The following GPC6 variants were observed in gnomAD, a reference collection of about 807,000 sequenced individuals.
GPC6 encodes glypican-6.
Under a neutral mutation model 55.2 loss-of-function variants are expected in GPC6, and 14 were observed. The ratio of observed to expected loss-of-function variants is 0.25; its 90% CI spans 0.17 to 0.40. The LOEUF (loss-of-function observed/expected upper bound fraction) is 0.40. Ranked by LOEUF, GPC6 falls within the 10% of genes least tolerant of loss-of-function variation. GPC6 has a pLI of 1.00. For missense variants in GPC6, 641 were observed against 708.5 expected (o/e 0.90, Z 1.08); for synonymous variants, 278 against 259.6 (o/e 1.07, Z -0.68).
At chr13:93,273,459 C>T (rs1877615298) in intron 1 of GPC6, among the ~76,000 whole-genome samples, 1 of 152,088 alleles carries the variant, frequency 6.6e-6, no homozygotes, top group African/African-American at 2.4e-5. Context: ...GAGATCGAGA[C>T]CATTCTGGCT....
intron 3 of GPC6, among the ~76,000 whole-genome samples, chr13:93,922,608 C>T (rs1877632794): frequency 6.6e-6 from 1 of 152,050 alleles, no homozygotes; most frequent in African/African-American, 2.4e-5. Flanking sequence ...CCCAGCTATG[C>T]CAAATAAAAA....
chr13:94,361,132 C>A (rs536052407), intron 6 of GPC6, among the ~76,000 whole-genome samples: 28 of 152,268 alleles, frequency 1.8e-4, no homozygotes, highest in African/African-American at 6.5e-4. Context: ...AAATTGGAGG[C>A]AATTATGGAT....
At chr13:93,663,654 T>G (rs941575326) in intron 2 of GPC6, among the ~76,000 whole-genome samples, 1 of 152,190 alleles carries the variant, frequency 6.6e-6, no homozygotes, top group Non-Finnish European at 1.5e-5. Context: ...TTTGAAGTGA[T>G]GAAAACAGAA....
Position 94,403,055 on chromosome 13 carries a change from G to A in GPC6, c.1506G>A (p.Met502Ile), listed in dbSNP as rs1193831298. The change falls in exon 9 of 9, where the codon ATG becomes ATA. Residue 502 changes from methionine (M) to isoleucine (I), a missense_variant. Coordinates refer to ENST00000377047, the MANE Select transcript of GPC6 (RefSeq NM_005708.5). The part of the protein sequence containing the change: ...SSGSGSGSGC[M>I]DDVCPTEFEF... ...GCTCAGGGAGTGGCAGTGGGTGCATGGATGACGTGTGTCCCACGGAGTTTG... is the reference window on the plus strand; with the variant it reads ...GCTCAGGGAGTGGCAGTGGGTGCATAGATGACGTGTGTCCCACGGAGTTTG... 2 of 1,613,856 alleles carry A rather than the reference G, an allele frequency of 1.2e-6. No homozygotes were observed. The highest frequency in any genetic ancestry group is 1.7e-5 in the Admixed American group (1 of 60,024).
At chr13:93,800,179 C>G (rs1235348039) in intron 2 of GPC6, among the ~76,000 whole-genome samples, 1 of 152,106 alleles carries the variant, frequency 6.6e-6, no homozygotes, top group East Asian at 1.9e-4. Flanking sequence ...ACAACTATGA[C>G]AAAATAACTT....
chr13:93,989,725 G>A (rs1374158764), intron 3 of GPC6, among the ~76,000 whole-genome samples: 9 of 152,004 alleles, frequency 5.9e-5, no homozygotes, highest in Admixed American at 6.6e-5. Context: ...AAGACTGGTC[G>A]TTCTTTAGGC....
intron 1 of GPC6, among the ~76,000 whole-genome samples, chr13:93,360,019 G>T (rs1880989155): frequency 6.6e-6 from 1 of 152,156 alleles, no homozygotes; most frequent in Admixed American, 6.5e-5. Context: ...ATTGGGAGAA[G>T]ATGAAAGTTT....
chr13:93,720,222 G>A (rs1883403736), intron 2 of GPC6, among the ~76,000 whole-genome samples: 1 of 148,598 alleles, frequency 6.7e-6, no homozygotes, highest in Non-Finnish European at 1.5e-5. Context: ...TGGTTGGTAG[G>A]CTATTACTGC....
intron 1 of GPC6, among the ~76,000 whole-genome samples, chr13:93,313,618 C>G (rs973486273): frequency 6.6e-6 from 1 of 151,934 alleles, no homozygotes; most frequent in Non-Finnish European, 1.5e-5. Flanking sequence ...CTGTGTATAC[C>G]CTCTATACAT....
intron 2 of GPC6, among the ~76,000 whole-genome samples, chr13:93,703,513 A>G (rs1882743751): frequency 6.6e-6 from 1 of 152,002 alleles, no homozygotes. Context: ...CTATGTAAAA[A>G]AATTCAATAT....
intron 1 of GPC6, among the ~76,000 whole-genome samples, chr13:93,504,383 C>T (rs1880629460): frequency 6.6e-6 from 1 of 151,956 alleles, no homozygotes; most frequent in African/African-American, 2.4e-5. Context: ...ATATATGACA[C>T]ATACCTTGGG....
chr13:94,340,429 T>C (rs1877973156), intron 6 of GPC6, among the ~76,000 whole-genome samples: 1 of 152,182 alleles, frequency 6.6e-6, no homozygotes, highest in African/African-American at 2.4e-5. Flanking sequence ...AATCATTCCA[T>C]TCCCACAGCT....
chr13:93,525,381 T>G (rs1881606762), intron 1 of GPC6, among the ~76,000 whole-genome samples: 1 of 151,990 alleles, frequency 6.6e-6, no homozygotes, highest in African/African-American at 2.4e-5. Flanking sequence ...AACCCAATTG[T>G]CTAAGAGCAT....
intron 1 of GPC6, among the ~76,000 whole-genome samples, chr13:93,456,782 G>A (rs966748887): frequency 6.6e-6 from 1 of 152,100 alleles, no homozygotes; most frequent in African/African-American, 2.4e-5. Flanking sequence ...GCTTCTGGTG[G>A]TTTGTGGGCA....
In GPC6 at chr13:93,830,333, C is replaced by T. The variant is rs747246048; in HGVS notation, c.499C>T (p.Arg167Trp). The T allele has an allele frequency of 8.1e-6, 13 of 1,613,772 alleles. No homozygotes were observed. Among genetic ancestry groups the T allele is most frequent in the East Asian group, 4.5e-5 (2 of 44,828 alleles). Reference protein sequence around the residue: ...LEEMLNDFWARLLERMFQLIN... With the variant: ...LEEMLNDFWAWLLERMFQLIN... ...GGAAATGCTCAATGACTTTTGGGCT[C>T]GGCTCCTGGAACGGATGTTTCAGCT... Residue 167 changes from arginine to tryptophan, a missense_variant, in exon 3 of 9, where the codon CGG becomes TGG. Arg to Trp is a moderately radical substitution (Grantham distance 101). Transcript: ENST00000377047.
chr13:93,308,119 C>A (rs1467637165), intron 1 of GPC6, among the ~76,000 whole-genome samples: 1 of 151,936 alleles, frequency 6.6e-6, no homozygotes, highest in Non-Finnish European at 1.5e-5. Context: ...CCCGTCTCTA[C>A]TAAAAATACA....
At chr13:93,457,295 T>A (rs1878491110) in intron 1 of GPC6, among the ~76,000 whole-genome samples, 9 of 152,212 alleles carry the variant, frequency 5.9e-5, no homozygotes, top group Admixed American at 5.9e-4. Context: ...GGGACCACCC[T>A]ACTCCACTAT....
At chr13:94,281,819 T>A (rs1482264745) in intron 4 of GPC6, among the ~76,000 whole-genome samples, 4 of 152,224 alleles carry the variant, frequency 2.6e-5, no homozygotes, top group Non-Finnish European at 4.4e-5. Flanking sequence ...AAATGGTTCC[T>A]CACCTGAAGC....
chr13:94,354,540 T>C lies in GPC6; in HGVS notation c.1153-27874T>C, dbSNP rs181362346. Among the ~76,000 whole-genome samples the C allele has an allele frequency of 3.0e-3, 460 of 152,340 alleles. 2 individuals carry two copies. Among genetic ancestry groups the C allele is most frequent in the Non-Finnish European group, 4.8e-3 (325 of 68,024 alleles). Reference sequence around the variant, plus strand: ...GCCTTCCAGCTCCAACACTTTCCAATGCTATGTGTAGCACAAAAAATAGCC... The same window carrying C: ...GCCTTCCAGCTCCAACACTTTCCAACGCTATGTGTAGCACAAAAAATAGCC... On this transcript the variant is annotated intron_variant, in intron 6 of 8. Transcript: ENST00000377047.
Sources: gnomAD v4.1 joint callset for allele counts (sites outside exome capture counted in the v4.1 genomes callset) on GRCh38, gnomAD v4.1.1 for gene constraint, MANE v1.5 for transcripts, NCBI Gene and HGNC (gene_info 2026-07-23, HGNC 2026-07-21) for gene names.